Variants in ZNF7 observed in about 807,000 individuals in gnomAD.
The protein encoded by ZNF7 is zinc finger protein 7.
In ZNF7, 10 loss-of-function variants were observed where a neutral mutation model predicts 12.0. That is an observed-to-expected ratio of 0.83 (90% CI 0.51 to 1.42). The LOEUF (loss-of-function observed/expected upper bound fraction) is 1.42. ZNF7 is among the 40% of genes most tolerant of loss of function. The pLI is 0.00. For synonymous variants in ZNF7, 334 were observed against 295.0 expected (o/e 1.13, Z -1.35); for missense variants, 854 against 837.2 (o/e 1.02, Z -0.25).
intron 2 of ZNF7, 180 bp downstream of exon 2, chr8:144,829,270 C>T: frequency 6.5e-7 from 1 of 1,532,260 alleles, no homozygotes; most frequent in South Asian, 1.2e-5. Context: ...AATTGAGGCT[C>T]TTGAGGGGGG....
chr8:144,833,509 C>T (rs919901502), intron 3 of ZNF7, among the ~76,000 whole-genome samples: 37 of 151,630 alleles, frequency 2.4e-4, no homozygotes, highest in African/African-American at 8.7e-4. Context: ...GCTGGGATTA[C>T]AGCTACTCAG....
Position 144,829,055 on chromosome 8 carries a change from G to C in ZNF7, c.-33G>C. ...TAATTGCCAACAGGTCTCTCGGCCA[G>C]AACACGTGGATGCCCACCCACCACT... On this transcript the variant is annotated 5_prime_UTR_variant, in exon 2 of 5. Transcript: ENST00000532777. 6.2e-7 allele frequency: 1 copy of C among 1,613,982 alleles called. No homozygotes were observed. The highest frequency in any genetic ancestry group is 8.5e-7 in the Non-Finnish European group (1 of 1,179,924).
In ZNF7 at chr8:144,842,698, G is replaced by A. The variant is rs747568869; in HGVS notation, c.1591G>A (p.Gly531Arg). The A allele has an allele frequency of 7.4e-6, 12 of 1,614,082 alleles. No individual in the cohort carries two copies. The highest frequency in any genetic ancestry group is 4.4e-5 in the South Asian group (4 of 91,080). ...GAAGCCCTACGAATGCCTCCAATGC[G>A]GAAAAGCCTTCAGTATGAGCACACA... is the stretch of plus-strand genomic sequence containing the variant. ...GEKPYECLQC[G>R]KAFSMSTQLT... Residue 531 changes from glycine to arginine, a missense_variant, in exon 5 of 5, where the codon GGA becomes AGA. Gly to Arg is a moderately radical substitution (Grantham distance 125). Coordinates refer to ENST00000532777, the MANE Select transcript of ZNF7 (RefSeq NM_003416.4).
chr8:144,834,473 A>C (rs1209548504), intron 3 of ZNF7: 2 of 152,200 alleles, frequency 1.3e-5, no homozygotes, highest in Non-Finnish European at 2.9e-5. Flanking sequence ...TAACCACAGA[A>C]TTTGGCTAAG....
rs1366335908 is a variant in ZNF7 at position 144,842,615 on chromosome 8, G to C, written c.1508G>C (p.Gly503Ala). Residue 503 changes from glycine (G) to alanine (A), a missense_variant, in exon 5 of 5, where the codon GGA becomes GCA. Physicochemically the swap from Gly to Ala is moderately conservative, Grantham distance 60. Coordinates refer to ENST00000532777, the MANE Select transcript of ZNF7 (RefSeq NM_003416.4). Reference sequence around the variant, plus strand: ...AAACCCTATGTGTGTAATGACTGTGGAAAAGCCTTCAGTCAGAGTTCCAGC... The same window carrying C: ...AAACCCTATGTGTGTAATGACTGTGCAAAAGCCTTCAGTCAGAGTTCCAGC... ...GEKPYVCNDC[G>A]KAFSQSSSLI... 6.2e-7 allele frequency: 1 copy of C among 1,614,088 alleles called. No individual in the cohort carries two copies. Among genetic ancestry groups the C allele is most frequent in the African/African-American group, 1.3e-5 (1 of 74,940 alleles).
intron 3 of ZNF7, 130 bp from the exon 4 acceptor site, chr8:144,837,261 C>T: frequency 1.5e-6 from 1 of 672,962 alleles, no homozygotes; most frequent in Admixed American, 2.3e-5. Context: ...CACCCACTCT[C>T]CCTGCAGGAG....
At chr8:144,829,652 C>T in intron 3 of ZNF7, 48 bp downstream of exon 3, 1 of 1,563,996 alleles carries the variant, frequency 6.4e-7, no homozygotes, top group Non-Finnish European at 8.7e-7. Flanking sequence ...CAGTCAGCAC[C>T]CACCCAGCCA....
intron 4 of ZNF7, 113 bp downstream of exon 4, chr8:144,837,620 G>A: frequency 1.4e-6 from 1 of 723,794 alleles, no homozygotes; most frequent in Non-Finnish European, 2.2e-6. Flanking sequence ...TGGGATGCCT[G>A]GGAATGCTAC....
intron 3 of ZNF7, among the ~76,000 whole-genome samples, chr8:144,832,556 C>T (rs918358843): frequency 1.3e-5 from 2 of 151,982 alleles, no homozygotes; most frequent in African/African-American, 4.8e-5. Flanking sequence ...GGTGACACCC[C>T]GCCTCTACTA....
At chr8:144,827,795 C>G (rs959672988) in intron 1 of ZNF7, 186 bp downstream of exon 1, 1 of 651,316 alleles carries the variant, frequency 1.5e-6, no homozygotes, top group African/African-American at 2.0e-5. Flanking sequence ...CAGCCACCCT[C>G]CCCCGCGGCG....
chr8:144,835,335 C>G (rs893665632), intron 3 of ZNF7: 10 of 151,800 alleles, frequency 6.6e-5, no homozygotes, highest in Non-Finnish European at 1.3e-4. Context: ...TCCCTAGTAG[C>G]TGGGACTATA....
chr8:144,829,601 C>T lies in ZNF7; in HGVS notation c.127C>T (p.Leu43=), dbSNP rs1828199355. 1 of 1,606,264 alleles carries T rather than the reference C, an allele frequency of 6.2e-7. No individual in the cohort carries two copies. Among genetic ancestry groups the T allele is most frequent in the African/African-American group, 1.3e-5 (1 of 74,922 alleles). ...MLENHSSVAG[L]AGFLVFKPEL... The stretch of plus-strand genomic sequence containing the variant: ...GGAGAACCACAGCAGTGTGGCTGGA[C>T]TAGGTGAGGCTGCACCTTGGGGCCC... Residue 43 remains leucine (L), a synonymous_variant, in exon 3 of 5, where the codon CTA becomes TTA. Transcript: ENST00000532777.
At chr8:144,840,653 G>T (rs1398741987) in intron 4 of ZNF7, among the ~76,000 whole-genome samples, 2 of 152,188 alleles carry the variant, frequency 1.3e-5, no homozygotes, top group Non-Finnish European at 2.9e-5. Context: ...GAACGCAGAT[G>T]TCTGGAAGGC....
intron 2 of ZNF7, 29 bp downstream of exon 2, chr8:144,829,119 C>T (rs753139582): frequency 1.1e-5 from 18 of 1,613,372 alleles, no homozygotes; most frequent in African/African-American, 5.3e-5. Context: ...TCCTTCCCCT[C>T]GCATGTCCTG....
At position 144,841,555 on chromosome 8, in the gene ZNF7, A is replaced by C. The variant is rs1279311908; in HGVS notation, c.448A>C (p.Asn150His). Residue 150 changes from asparagine (N) to histidine (H), a missense_variant, in exon 5 of 5, where the codon AAT (asparagine) becomes CAT (histidine). Coordinates refer to ENST00000532777, the MANE Select transcript of ZNF7 (RefSeq NM_003416.4). ...GAAAGTGACAGGCTTTACCTTCCAA[A>C]ATAACTGTTTGAATGAGGAGACTGT... ...GLKVTGFTFQ[N>H]NCLNEETVVP... 6.2e-7 allele frequency: 1 copy of C among 1,614,006 alleles called. No homozygotes were observed. The highest frequency in any genetic ancestry group is 1.3e-5 in the African/African-American group (1 of 74,898).
chr8:144,837,379 C>A lies in ZNF7; in HGVS notation c.131-12C>A. ...CATGCTGACACTGTTGTCTTCTCTGCCGCACACACAGCAGGATTCCTGGTT... is the reference window on the plus strand; with the variant it reads ...CATGCTGACACTGTTGTCTTCTCTGACGCACACACAGCAGGATTCCTGGTT... On this transcript the variant is annotated splice_polypyrimidine_tract_variant and intron_variant, in intron 3 of 4. Coordinates refer to ENST00000532777, the MANE Select transcript of ZNF7 (RefSeq NM_003416.4). 1.3e-6 allele frequency: 2 copies of A among 1,599,312 alleles called. No homozygotes were observed. Among genetic ancestry groups the A allele is most frequent in the Non-Finnish European group, 8.6e-7 (1 of 1,168,538 alleles).
At position 144,837,447 on chromosome 8, in the gene ZNF7, C is replaced by T. The variant is rs1171347792; in HGVS notation, c.187C>T (p.Pro63Ser). The T allele has an allele frequency of 6.2e-7, 1 of 1,613,036 alleles. No individual in the cohort carries two copies. Among genetic ancestry groups the T allele is most frequent in the Non-Finnish European group, 8.5e-7 (1 of 1,179,240 alleles). Residue 63 changes from proline (P) to serine (S), a missense_variant, in exon 4 of 5, where the codon CCA becomes TCA. Physicochemically the swap from Pro to Ser is moderately conservative, Grantham distance 74. Coordinates refer to ENST00000532777, the MANE Select transcript of ZNF7 (RefSeq NM_003416.4). The part of the protein sequence containing the change: ...LISRLEQGEE[P>S]WVLDLQGAEG... ...CTCTCGGCTGGAGCAGGGAGAAGAGCCATGGGTCCTCGACCTGCAGGGAGC... is the reference window on the plus strand; with the variant it reads ...CTCTCGGCTGGAGCAGGGAGAAGAGTCATGGGTCCTCGACCTGCAGGGAGC...
At chr8:144,837,851 T>C (rs1006532973) in intron 4 of ZNF7, among the ~76,000 whole-genome samples, 2 of 152,218 alleles carry the variant, frequency 1.3e-5, no homozygotes, top group Admixed American at 6.5e-5. Context: ...AGGGTTAGGT[T>C]TGGCATTCAG....
chr8:144,843,786 A>G (rs1423545497), downstream of ZNF7: 2 of 152,170 alleles, frequency 1.3e-5, no homozygotes, highest in African/African-American at 4.8e-5. Context: ...TGAGTAGGTT[A>G]AAATAATTTA....
Sources: gnomAD v4.1 joint callset for allele counts (sites outside exome capture counted in the v4.1 genomes callset) on GRCh38, gnomAD v4.1.1 for gene constraint, MANE v1.5 for transcripts, NCBI Gene and HGNC (gene_info 2026-07-23, HGNC 2026-07-21) for gene names.